Variants in ATP9B observed in about 807,000 individuals in gnomAD.
ATP9B encodes the protein ATPase phospholipid transporting 9B.
In ATP9B, 110 loss-of-function variants were observed where a neutral mutation model predicts 146.1. That is an observed-to-expected ratio of 0.75 (90% CI 0.65 to 0.88). ATP9B has a LOEUF of 0.88. Ranked by LOEUF, ATP9B falls within the 40% of genes least tolerant of loss-of-function variation. ATP9B has a pLI of 0.00. For synonymous variants in ATP9B, 604 were observed against 569.7 expected, an observed-to-expected ratio of 1.06 and a Z score of -0.86; for missense variants, 1,499 against 1,496.4, an observed-to-expected ratio of 1.00 and a Z score of -0.03.
intron 5 of ATP9B, among the ~76,000 whole-genome samples, chr18:79,142,011 C>T (rs2094520247): frequency 6.6e-6 from 1 of 152,168 alleles, no homozygotes; most frequent in Admixed American, 6.5e-5. Flanking sequence ...ACAATATGAT[C>T]ATTTCTTCAA....
chr18:79,212,126 C>A (rs544860854), intron 10 of ATP9B, among the ~76,000 whole-genome samples: 55 of 152,226 alleles, frequency 3.6e-4, no homozygotes, highest in South Asian at 2.5e-3. Flanking sequence ...TAAGTACATA[C>A]CCTTTGTGAA....
intron 1 of ATP9B, among the ~76,000 whole-genome samples, chr18:79,079,022 T>C (rs895686340): frequency 1.6e-4 from 25 of 152,224 alleles, no homozygotes; most frequent in Middle Eastern, 3.2e-3. Flanking sequence ...TAGTATTCCA[T>C]GGTGTATTTG....
chr18:79,154,637 G>GT, intron 7 of ATP9B, 82 bp downstream of exon 7: 1 of 905,038 alleles, frequency 1.1e-6, no homozygotes, highest in Non-Finnish European at 1.6e-6. Context: ...AGGAAAAACT[G>GT]TTTTCCTTAC....
chr18:79,193,324 C>T (rs2148150856), intron 9 of ATP9B, 61 bp downstream of exon 9: 5 of 1,301,718 alleles, frequency 3.8e-6, no homozygotes, highest in East Asian at 2.3e-5. Flanking sequence ...AGTAGCAAAC[C>T]TTTGAGACAG....
In ATP9B at chr18:79,372,836, G is replaced by A. The variant is rs1407170412; in HGVS notation, c.3024G>A (p.Leu1008=). 1 of 1,610,962 alleles carries A rather than the reference G, an allele frequency of 6.2e-7. No individual in the cohort carries two copies. The highest frequency in any genetic ancestry group is 8.5e-7 in the Non-Finnish European group (1 of 1,177,270). The change falls in exon 27 of 30, where the codon TTG becomes TTA. Residue 1008 remains leucine (L), a synonymous_variant. Transcript: ENST00000426216. Reference sequence around the variant, plus strand: ...CACTGTTTCCCTAGGGAAGATCCTTGTCCTTCAAAACCTTCCTCATCTGGG... The same window carrying A: ...CACTGTTTCCCTAGGGAAGATCCTTATCCTTCAAAACCTTCCTCATCTGGG... The part of the protein sequence containing the change: ...LYKDLTKGRS[L]SFKTFLIWVL...
intron 11 of ATP9B, 44 bp from the exon 12 acceptor site, chr18:79,253,337 A>G (rs758018018): frequency 6.4e-7 from 1 of 1,553,242 alleles, no homozygotes; most frequent in South Asian, 1.2e-5. Flanking sequence ...AATATTAGGG[A>G]CATTGTGGTT....
chr18:79,119,679 A>T (rs564622628), intron 4 of ATP9B, among the ~76,000 whole-genome samples: 1 of 152,182 alleles, frequency 6.6e-6, no homozygotes, highest in South Asian at 2.1e-4. Flanking sequence ...TGAGTATCAT[A>T]TTGTTCGATC....
intron 10 of ATP9B, 23 bp from the exon 11 acceptor site, chr18:79,213,939 G>A (rs1260433458): frequency 6.4e-7 from 1 of 1,553,638 alleles, no homozygotes; most frequent in African/African-American, 1.4e-5. Flanking sequence ...ATTTCTACAA[G>A]GACCACTTTC....
intron 13 of ATP9B, among the ~76,000 whole-genome samples, chr18:79,298,353 C>G (rs2096567227): frequency 6.9e-6 from 1 of 145,874 alleles, no homozygotes; most frequent in South Asian, 2.2e-4. Flanking sequence ...AAGTACGGTG[C>G]CGTTTATAAT....
At chr18:79,227,945 A>G (rs1038055605) in intron 11 of ATP9B, among the ~76,000 whole-genome samples, 1 of 152,220 alleles carries the variant, frequency 6.6e-6, no homozygotes, top group African/African-American at 2.4e-5. Context: ...GTTTCCTTTC[A>G]TGAGGGTTGA....
Position 79,069,692 on chromosome 18 carries a change from G to A in ATP9B, c.119+163G>A, listed in dbSNP as rs1044568037. On this transcript the variant is annotated intron_variant, in intron 1 of 29. Coordinates refer to ENST00000426216, the MANE Select transcript of ATP9B (RefSeq NM_198531.5). Reference sequence around the variant, plus strand: ...GCGTTCTGAGCGCGCCGCAGCTGTGGCGTCCGCCGGTGGTGAGGGCCGCGG... The same window carrying A: ...GCGTTCTGAGCGCGCCGCAGCTGTGACGTCCGCCGGTGGTGAGGGCCGCGG... Among the ~76,000 whole-genome samples, 16 of 152,366 alleles carry A rather than the reference G, an allele frequency of 1.1e-4. No individual in the cohort carries two copies. In the East Asian group the frequency reaches 2.9e-3, roughly 28 times the overall value.
Position 79,297,943 on chromosome 18 carries a change from C to T in ATP9B, c.1412-5661C>T, listed in dbSNP as rs555732111. Among the ~76,000 whole-genome samples, 5 of 146,712 alleles carry T rather than the reference C, an allele frequency of 3.4e-5. 1 individual carries two copies. Among genetic ancestry groups the T allele is most frequent in the East Asian group, 2.0e-4 (1 of 4,890 alleles). The stretch of plus-strand genomic sequence containing the variant: ...TCATTCATGCTTTAAGAAGAAAACT[C>T]GGAAAACAAGGATTAGAGGGGAACA... On this transcript the variant is annotated intron_variant, in intron 13 of 29. Coordinates refer to ENST00000426216, the MANE Select transcript of ATP9B (RefSeq NM_198531.5).
chr18:79,210,743 G>A (rs1355662750), intron 10 of ATP9B, among the ~76,000 whole-genome samples: 1 of 152,208 alleles, frequency 6.6e-6, no homozygotes, highest in East Asian at 1.9e-4. Context: ...CTCCTGGAGG[G>A]CATCTGCGAG....
At chr18:79,162,991 A>G (rs1465180583) in intron 7 of ATP9B, among the ~76,000 whole-genome samples, 1 of 152,238 alleles carries the variant, frequency 6.6e-6, no homozygotes, top group African/African-American at 2.4e-5. Flanking sequence ...TCAGTTGTAT[A>G]AAATAAAATC....
intron 12 of ATP9B, among the ~76,000 whole-genome samples, chr18:79,266,587 T>G (rs2096206296): frequency 6.6e-6 from 1 of 152,148 alleles, no homozygotes; most frequent in Non-Finnish European, 1.5e-5. Flanking sequence ...TAAGTTTGTT[T>G]ATAGAAGCCT....
At chr18:79,210,399 C>T (rs2095573317) in intron 10 of ATP9B, among the ~76,000 whole-genome samples, 1 of 152,112 alleles carries the variant, frequency 6.6e-6, no homozygotes, top group South Asian at 2.1e-4. Context: ...AGTGGGCCAG[C>T]CGTGTGGTGT....
chr18:79,180,897 A>G (rs1051306947), intron 8 of ATP9B, among the ~76,000 whole-genome samples: 6 of 151,904 alleles, frequency 3.9e-5, no homozygotes, highest in East Asian at 1.9e-4. Flanking sequence ...GGTTTAAGCA[A>G]TTCTCCTGTC....
rs953717895 is a variant in ATP9B, at chr18:79,228,336, G to C, written c.1107+14298G>C. 3.3e-5 allele frequency among the ~76,000 whole-genome samples: 5 copies of C among 152,112 alleles called. 1 individual carries two copies. The highest frequency in any genetic ancestry group is 7.3e-5 in the Non-Finnish European group (5 of 68,028). On this transcript the variant is annotated intron_variant, in intron 11 of 29. Coordinates refer to ENST00000426216, the MANE Select transcript of ATP9B (RefSeq NM_198531.5). ...ATAGAAAATACTGGATAAATACAGG[G>C]GCTGACACAACATTCTTTACATGGA...
intron 11 of ATP9B, among the ~76,000 whole-genome samples, chr18:79,243,996 A>G (rs1284217116): frequency 3.9e-5 from 6 of 152,234 alleles, no homozygotes; most frequent in Admixed American, 3.9e-4. Context: ...TTACCTCTTA[A>G]TAAAGATAAT....
Sources: allele counts gnomAD v4.1 joint callset (sites outside exome capture counted in the v4.1 genomes callset), GRCh38; gene constraint gnomAD v4.1.1; transcripts MANE v1.5; gene names NCBI Gene and HGNC (gene_info 2026-07-23, HGNC 2026-07-21).